The following SEC23A variants were observed in gnomAD, a reference collection of about 807,000 sequenced individuals.
SEC23A encodes protein transport protein Sec23A.
In SEC23A, 56 loss-of-function variants were observed where a neutral mutation model predicts 103.7. That is an observed-to-expected ratio of 0.54 (90% CI 0.44 to 0.67). The LOEUF is 0.67. Ranked by LOEUF, SEC23A falls within the 30% of genes least tolerant of loss-of-function variation. SEC23A has a pLI of 0.00. For missense variants in SEC23A, 784 were observed against 936.4 expected (o/e 0.84, Z 2.12); for synonymous variants, 281 against 293.0 (o/e 0.96, Z 0.42).
At position 39,040,821 on chromosome 14, in the gene SEC23A, G is replaced by T. The variant is rs948589137; in HGVS notation, c.2053C>A (p.Leu685Met). 1 of 1,614,066 alleles carries T rather than the reference G, an allele frequency of 6.2e-7. No homozygotes were observed. Among genetic ancestry groups the T allele is most frequent in the Admixed American group, 1.7e-5 (1 of 60,006 alleles). Residue 685 changes from leucine to methionine, a missense_variant, in exon 18 of 20, where the codon CTG becomes ATG. This residue lies in a region of SEC23A where 101 missense variants were observed against 162.2 expected (regional missense o/e 0.62). Transcript: ENST00000307712. ...MPEYENFRHLLQAPVDDAQEI... is the reference protein window; with the variant it reads ...MPEYENFRHLMQAPVDDAQEI... Reference sequence around the variant, plus strand: ...TGTGCATCATCCACTGGGGCTTGCAGAAGGTGGCGGAAATTTTCATACTCA... The same window carrying T: ...TGTGCATCATCCACTGGGGCTTGCATAAGGTGGCGGAAATTTTCATACTCA...
At position 39,033,343 on chromosome 14, in the gene SEC23A, A is replaced by G. The variant is rs755746511; in HGVS notation, c.2209-15T>C. 5 of 1,466,286 alleles carry G rather than the reference A, an allele frequency of 3.4e-6. No homozygotes were observed. In the Admixed American group the frequency reaches 5.1e-5, roughly 15 times the overall value. The allele number at this position is 1,466,286 out of a possible 1,614,324, so 90.8% of individuals were successfully genotyped here. On this transcript the variant is annotated splice_polypyrimidine_tract_variant and intron_variant, in intron 19 of 19. Coordinates refer to ENST00000307712, the MANE Select transcript of SEC23A (RefSeq NM_006364.4). ...GCTCCAGACTCCTAGAGGAAAAAAG[A>G]TATTTGTTATGATTAAAGCATAGGG...
In SEC23A at chr14:39,074,643, A is replaced by T. The variant is rs988420946; in HGVS notation, c.988-113T>A. On this transcript the variant is annotated intron_variant, in intron 8 of 19. Coordinates refer to ENST00000307712, the MANE Select transcript of SEC23A (RefSeq NM_006364.4). ...AAAAGAGTAACTCATAATTTAAATT[A>T]TGATTAGTTATTTAACTTTCTGTAA... 35 of 662,404 alleles carry T rather than the reference A, an allele frequency of 5.3e-5. No individual in the cohort carries two copies. The African/African-American group carries it at 6.0e-4, about 11-fold the overall frequency. 41.0% of individuals were successfully genotyped at this position (662,404 alleles called of 1,614,324 possible). A position where few individuals can be genotyped will look rare whatever the true frequency, so the allele number is the denominator to read the frequency against.
At chr14:39,078,829 A>G (rs1781180744) in intron 7 of SEC23A, among the ~76,000 whole-genome samples, 1 of 152,152 alleles carries the variant, frequency 6.6e-6, no homozygotes, top group Non-Finnish European at 1.5e-5. Context: ...AAAAATAAAT[A>G]TATAAAGAGA....
intron 1 of SEC23A, among the ~76,000 whole-genome samples, chr14:39,096,874 T>C (rs973459931): frequency 3.3e-5 from 5 of 152,206 alleles, no homozygotes; most frequent in Non-Finnish European, 7.3e-5. Context: ...CACTAAACTT[T>C]ACAGAAGAGA....
intron 13 of SEC23A, among the ~76,000 whole-genome samples, chr14:39,058,410 C>T (rs1172135496): frequency 1.3e-5 from 2 of 152,144 alleles, no homozygotes; most frequent in African/African-American, 2.4e-5. Flanking sequence ...CGGGTTCACG[C>T]CATTCTCCTG....
At chr14:39,097,245 T>C (rs950149550) in intron 1 of SEC23A, among the ~76,000 whole-genome samples, 4 of 152,200 alleles carry the variant, frequency 2.6e-5, no homozygotes, top group African/African-American at 9.7e-5. Flanking sequence ...CTTTCCTACG[T>C]AGGCAACAGC....
At chr14:39,071,151 G>C (rs1297048002) in intron 9 of SEC23A, among the ~76,000 whole-genome samples, 1 of 152,186 alleles carries the variant, frequency 6.6e-6, no homozygotes, top group Non-Finnish European at 1.5e-5. Context: ...GCAAGGAAAA[G>C]AAAAAGCATG....
At position 39,055,132 on chromosome 14, in the gene SEC23A, T is replaced by C; in HGVS notation, c.1659+11A>G. ...ATACAGATTTAGAAAAGCACAGTGT[T>C]TATTTCTTACCAGTCGAATGAGCTG... On this transcript the variant is annotated intron_variant, in intron 14 of 19. Coordinates refer to ENST00000307712, the MANE Select transcript of SEC23A (RefSeq NM_006364.4). 1 of 1,614,066 alleles carries C rather than the reference T, an allele frequency of 6.2e-7. No individual in the cohort carries two copies. Among genetic ancestry groups the C allele is most frequent in the Middle Eastern group, 1.6e-4 (1 of 6,062 alleles).
At chr14:39,080,685 C>A (rs1278156856) in intron 7 of SEC23A, among the ~76,000 whole-genome samples, 1 of 152,154 alleles carries the variant, frequency 6.6e-6, no homozygotes, top group Non-Finnish European at 1.5e-5. Context: ...GGATTACAGG[C>A]ATGAGCCACT....
intron 11 of SEC23A, chr14:39,064,540 G>A (rs1886591417): frequency 6.2e-6 from 1 of 160,616 alleles, no homozygotes; most frequent in Non-Finnish European, 1.4e-5. Flanking sequence ...ATAAAAAATA[G>A]AAGACTGGTG....
intron 12 of SEC23A, among the ~76,000 whole-genome samples, chr14:39,062,569 G>A (rs967307123): frequency 1.3e-5 from 2 of 151,934 alleles, no homozygotes; most frequent in Non-Finnish European, 2.9e-5. Context: ...GAAACTAATA[G>A]CAATATATAA....
chr14:39,094,442 AT>A (rs55763808), intron 2 of SEC23A, among the ~76,000 whole-genome samples: 1 of 9,646 alleles, frequency 1.0e-4, no homozygotes, highest in Non-Finnish European at 1.6e-4. Flanking sequence ...ATATATATAT[AT>A]TTTTTTTTTT....
At chr14:39,066,687 A>C (rs957994733) in intron 10 of SEC23A, among the ~76,000 whole-genome samples, 6 of 152,096 alleles carry the variant, frequency 3.9e-5, no homozygotes, top group African/African-American at 1.4e-4. Flanking sequence ...CAACATGGTG[A>C]CACTGCGTCT....
At chr14:39,089,088 C>T (rs1370230065) in intron 5 of SEC23A, among the ~76,000 whole-genome samples, 1 of 148,982 alleles carries the variant, frequency 6.7e-6, no homozygotes, top group Non-Finnish European at 1.5e-5. Context: ...GCAGGAGAAT[C>T]GCTCGAACTA....
chr14:39,045,472 G>A, intron 15 of SEC23A, 148 bp from the exon 16 acceptor site: 3 of 512,542 alleles, frequency 5.9e-6, no homozygotes, highest in East Asian at 3.3e-5. Flanking sequence ...CCTCAGGAAA[G>A]GAATCCTATT....
chr14:39,066,017 A>C (rs1886653582), intron 10 of SEC23A, among the ~76,000 whole-genome samples: 1 of 126,864 alleles, frequency 7.9e-6, no homozygotes, highest in Non-Finnish European at 1.8e-5. Context: ...AAAAAAAAAA[A>C]AAAAAAAAAA....
chr14:39,046,212 T>C (rs1462391730), intron 15 of SEC23A, among the ~76,000 whole-genome samples: 1 of 152,214 alleles, frequency 6.6e-6, no homozygotes, highest in East Asian at 1.9e-4. Flanking sequence ...CTCACGCTTG[T>C]AATCCTAGCA....
At chr14:39,088,747 A>C (rs1002794220) in intron 5 of SEC23A, 1 of 151,678 alleles carries the variant, frequency 6.6e-6, no homozygotes, top group Admixed American at 6.6e-5. Context: ...AAACAAAAAA[A>C]AACTAGGCCG....
At chr14:39,087,562 A>G (rs1307885288) in intron 5 of SEC23A, 2 of 153,058 alleles carry the variant, frequency 1.3e-5, no homozygotes, top group African/African-American at 4.8e-5. Context: ...AATGTAATTC[A>G]TAACCAAACT....
Sources: gnomAD v4.1 joint callset for allele counts (sites outside exome capture counted in the v4.1 genomes callset) on GRCh38, gnomAD v4.1.1 for gene constraint, gnomAD v4.1.1 regional missense constraint, MANE v1.5 for transcripts, NCBI Gene and HGNC (gene_info 2026-07-23, HGNC 2026-07-21) for gene names.